NFXL1: variants seen among roughly 807,000 people sequenced by gnomAD.
The protein encoded by NFXL1 is nuclear transcription factor, X-box binding like 1.
A neutral mutation model predicts 123.3 loss-of-function variants in NFXL1; 66 were observed. That is an observed-to-expected ratio of 0.54 (90% CI 0.44 to 0.66). The LOEUF is 0.66. Ranked by LOEUF, NFXL1 falls within the 30% of genes least tolerant of loss-of-function variation. NFXL1 has a pLI of 0.00. For missense variants in NFXL1, 944 were observed against 1,125.6 expected, an observed-to-expected ratio of 0.84 and a Z score of 2.31; for synonymous variants, 346 against 360.8, an observed-to-expected ratio of 0.96 and a Z score of 0.46.
At chr4:47,887,909 T>C (rs1354355410) in intron 12 of NFXL1, among the ~76,000 whole-genome samples, 19 of 152,058 alleles carry the variant, frequency 1.2e-4, no homozygotes, top group Non-Finnish European at 4.4e-5. Flanking sequence ...CCAATACCAG[T>C]TAATAGCCAA....
chr4:47,867,239 A>G (rs1458602436), intron 18 of NFXL1, among the ~76,000 whole-genome samples: 2 of 129,846 alleles, frequency 1.5e-5, no homozygotes, highest in Non-Finnish European at 3.7e-5. Context: ...GATTGAATTC[A>G]GGAAAAAAAA....
At chr4:47,872,129 T>C (rs1398192560) in intron 18 of NFXL1, among the ~76,000 whole-genome samples, 4 of 152,178 alleles carry the variant, frequency 2.6e-5, no homozygotes, top group African/African-American at 9.7e-5. Context: ...ACAGCAACGC[T>C]TGTAATAAAG....
At chr4:47,882,421 GT>G (rs777245057) in intron 15 of NFXL1, 3 of 152,198 alleles carry the variant, frequency 2.0e-5, no homozygotes, top group Non-Finnish European at 4.4e-5. Context: ...GGGTTGAGAA[GT>G]TAACAGAAAG....
chr4:47,866,324 C>G (rs1297664378), intron 18 of NFXL1, among the ~76,000 whole-genome samples: 1 of 152,150 alleles, frequency 6.6e-6, no homozygotes, highest in Non-Finnish European at 1.5e-5. Flanking sequence ...ACACATAACT[C>G]CTCTCCTCTT....
chr4:47,854,516 C>T (rs1734292923), intron 20 of NFXL1, among the ~76,000 whole-genome samples: 1 of 151,906 alleles, frequency 6.6e-6, no homozygotes, highest in South Asian at 2.1e-4. Context: ...TAGTTTTTGC[C>T]CATTTACTCC....
At chr4:47,876,461 A>G (rs182924807) in intron 17 of NFXL1, among the ~76,000 whole-genome samples, 1 of 152,272 alleles carries the variant, frequency 6.6e-6, no homozygotes, top group East Asian at 1.9e-4. Context: ...GAAAAAACAA[A>G]TGTGGAATGT....
rs748581429 is a variant in NFXL1 at position 47,875,307 on chromosome 4, T to C, written c.2080-14A>G. The C allele has an allele frequency of 6.2e-7, 1 of 1,602,754 alleles. No individual in the cohort carries two copies. The highest frequency in any genetic ancestry group is 8.5e-7 in the Non-Finnish European group (1 of 1,173,090). On this transcript the variant is annotated splice_polypyrimidine_tract_variant and intron_variant, in intron 17 of 22. Transcript: ENST00000507489. ...TTCTGGGCCAGCCTGAAAAACAGCATGGAAATAAATCACCTAAGTACAAGG... is the reference window on the plus strand; with the variant it reads ...TTCTGGGCCAGCCTGAAAAACAGCACGGAAATAAATCACCTAAGTACAAGG...
intron 11 of NFXL1, among the ~76,000 whole-genome samples, chr4:47,891,635 C>T (rs1484163413): frequency 6.6e-6 from 1 of 152,114 alleles, no homozygotes; most frequent in Admixed American, 6.5e-5. Flanking sequence ...TAACTTCTTA[C>T]TTACCTAACT....
chr4:47,851,897 A>G lies in NFXL1; in HGVS notation c.2467T>C (p.Cys823Arg), dbSNP rs747632844. 3 of 1,611,824 alleles carry G rather than the reference A, an allele frequency of 1.9e-6. No individual in the cohort carries two copies. Among genetic ancestry groups the G allele is most frequent in the Admixed American group, 3.3e-5 (2 of 59,952 alleles). The change falls in exon 21 of 23, where the codon TGT (cysteine) becomes CGT (arginine). Residue 823 changes from cysteine to arginine, a missense_variant. By Grantham distance (180) the Cys-to-Arg change is radical. Around this residue, in one of 4 missense-constraint regions of NFXL1, gnomAD observed 301 missense variants for 348.0 expected, o/e 0.86. Coordinates refer to ENST00000507489, the MANE Select transcript of NFXL1 (RefSeq NM_001278624.2). Reference protein sequence around the residue: ...KVRENQVSIECDTTCKEMKRK... With the variant: ...KVRENQVSIERDTTCKEMKRK... ...TTCATTTCCTTGCACGTTGTGTCAC[A>G]TTCTATTGAAACCTGATTTTCACGT...
intron 10 of NFXL1, among the ~76,000 whole-genome samples, chr4:47,895,813 T>A (rs1374085161): frequency 6.6e-6 from 1 of 152,250 alleles, no homozygotes. Context: ...ACATGGCTAA[T>A]TGATGCAAGA....
At chr4:47,909,815 T>C (rs557399374) in intron 3 of NFXL1, among the ~76,000 whole-genome samples, 1 of 152,092 alleles carries the variant, frequency 6.6e-6, no homozygotes, top group East Asian at 1.9e-4. Flanking sequence ...TGTGCCACCA[T>C]GCCCAGCTAA....
At chr4:47,879,168 T>C in intron 15 of NFXL1, 51 bp from the exon 16 acceptor site, 1 of 809,148 alleles carries the variant, frequency 1.2e-6, no homozygotes, top group Middle Eastern at 2.4e-4. Context: ...TATTCAAAAA[T>C]AATACCTAAA....
In NFXL1 at chr4:47,899,301, T is replaced by G. The variant is rs190925395; in HGVS notation, c.826+69A>C. 2.1e-6 allele frequency: 3 copies of G among 1,416,238 alleles called. No homozygotes were observed. In the African/African-American group the frequency reaches 4.4e-5, roughly 21 times the overall value. The allele number at this position is 1,416,238 out of a possible 1,614,324, so 87.7% of individuals were successfully genotyped here. ...AACTGTGAATTCAACTTTTACAATT[T>G]TTTTTTTTGCCTCAATATAAGAAGA... is the stretch of plus-strand genomic sequence containing the variant. On this transcript the variant is annotated intron_variant, in intron 6 of 22. Coordinates refer to ENST00000507489, the MANE Select transcript of NFXL1 (RefSeq NM_001278624.2).
chr4:47,884,813 T>TA (rs1261444609), intron 14 of NFXL1, among the ~76,000 whole-genome samples: 4 of 152,136 alleles, frequency 2.6e-5, no homozygotes, highest in African/African-American at 9.7e-5. Context: ...GCTTGATATT[T>TA]AGTAAGGGCT....
intron 11 of NFXL1, among the ~76,000 whole-genome samples, chr4:47,891,716 T>C (rs1736779180): frequency 6.6e-6 from 1 of 152,138 alleles, no homozygotes; most frequent in Non-Finnish European, 1.5e-5. Flanking sequence ...AGTTTCATTA[T>C]ATAAAAATAG....
intron 19 of NFXL1, among the ~76,000 whole-genome samples, chr4:47,860,913 C>T (rs995347100): frequency 6.6e-5 from 10 of 150,834 alleles, no homozygotes; most frequent in South Asian, 2.1e-4. Flanking sequence ...AGTGCAATGG[C>T]GCCATCTTGG....
rs560716606 is a variant in NFXL1 at position 47,906,507 on chromosome 4, C to T, written c.407-1161G>A. ...TTTAGAACATTAAGCAAAATAAACG[C>T]AAACATACTCTCAAAACTATAAATT... On this transcript the variant is annotated intron_variant, in intron 3 of 22. Transcript: ENST00000507489. Among the ~76,000 whole-genome samples, 275 of 152,144 alleles carry T rather than the reference C, an allele frequency of 1.8e-3. 2 individuals are homozygous for T. Among genetic ancestry groups the T allele is most frequent in the African/African-American group, 6.3e-3 (262 of 41,530 alleles).
At chr4:47,878,781 T>G in intron 16 of NFXL1, 116 bp from the exon 17 acceptor site, 2 of 688,242 alleles carry the variant, frequency 2.9e-6, no homozygotes, top group Non-Finnish European at 4.5e-6. Flanking sequence ...AAGGTATAAG[T>G]TTGCACGAAT....
intron 18 of NFXL1, among the ~76,000 whole-genome samples, chr4:47,865,564 T>G (rs1483517821): frequency 6.7e-6 from 1 of 148,898 alleles, no homozygotes; most frequent in African/African-American, 2.5e-5. Context: ...GCTAGTGGAG[T>G]TCTGAAAAAA....
Sources: allele counts gnomAD v4.1 joint callset (sites outside exome capture counted in the v4.1 genomes callset), GRCh38; gene constraint gnomAD v4.1.1; regional missense constraint gnomAD v4.1.1; transcripts MANE v1.5; gene names NCBI Gene and HGNC (gene_info 2026-07-23, HGNC 2026-07-21).